NPAS3: variants seen among roughly 807,000 people sequenced by gnomAD.
The protein encoded by NPAS3 is neuronal PAS domain protein 3, also known as neuronal PAS domain-containing protein 3.
Under a neutral mutation model 73.1 loss-of-function variants are expected in NPAS3, and 14 were observed. The ratio of observed to expected loss-of-function variants is 0.19; its 90% confidence interval spans 0.13 to 0.30. NPAS3 has a LOEUF of 0.30. Ranked by LOEUF, NPAS3 falls within the 10% of genes least tolerant of loss-of-function variation. The pLI is 1.00. For synonymous variants in NPAS3, 620 were observed against 541.5 expected (o/e 1.14, Z -2.01); for missense variants, 1,096 against 1,250.0 (o/e 0.88, Z 1.86).
intron 7 of NPAS3, among the ~76,000 whole-genome samples, chr14:33,755,145 C>A (rs938568632): frequency 2.0e-5 from 3 of 152,156 alleles, no homozygotes; most frequent in Non-Finnish European, 4.4e-5. Context: ...TAGTACCTCT[C>A]CTGAAACATC....
At position 33,800,133 on chromosome 14, in the gene NPAS3, G is replaced by A. The variant is rs1363637184; in HGVS notation, c.1826G>A (p.Gly609Asp). 1.3e-6 allele frequency: 2 copies of A among 1,582,710 alleles called. No individual in the cohort carries two copies. The highest frequency in any genetic ancestry group is 1.8e-5 in the Admixed American group (1 of 54,842). Residue 609 changes from glycine to aspartate, a missense_variant, in exon 12 of 12, where the codon GGC becomes GAC. This residue lies in a region of NPAS3 where 698 missense variants were observed against 676.7 expected (regional missense o/e 1.03). Transcript: ENST00000356141. This position sits in a 1 kb window ranked among gnomAD's most constrained non-coding sequence, Gnocchi z 6.5. Reference sequence around the variant, plus strand: ...AAGAAAAGGCGGAAACGGCAAAAGGGCGGCAGCGCCAGCCGCCGGCGCCTG... The same window carrying A: ...AAGAAAAGGCGGAAACGGCAAAAGGACGGCAGCGCCAGCCGCCGGCGCCTG...
chr14:33,743,467 T>C (rs1218634481), intron 7 of NPAS3, among the ~76,000 whole-genome samples: 1 of 152,186 alleles, frequency 6.6e-6, no homozygotes, highest in Non-Finnish European at 1.5e-5. Context: ...AATATACAGA[T>C]GTGCTGTCAT....
chr14:33,265,399 T>A (rs1566738672), intron 3 of NPAS3, among the ~76,000 whole-genome samples: 2 of 152,230 alleles, frequency 1.3e-5, no homozygotes, highest in Non-Finnish European at 2.9e-5. Context: ...CTTCATCTTT[T>A]ACAATATATT....
chr14:32,959,057 A>G (rs1343918993), intron 1 of NPAS3, among the ~76,000 whole-genome samples: 2 of 152,228 alleles, frequency 1.3e-5, no homozygotes, highest in Non-Finnish European at 2.9e-5. Flanking sequence ...TAAAGCTTTA[A>G]GAAAGTTTAA....
intron 6 of NPAS3, among the ~76,000 whole-genome samples, chr14:33,695,046 C>T (rs2060337976): frequency 6.6e-6 from 1 of 152,134 alleles, no homozygotes; most frequent in Admixed American, 6.5e-5. Context: ...TCTGGCCATA[C>T]AACTAACTGA....
intron 2 of NPAS3, among the ~76,000 whole-genome samples, chr14:33,078,770 C>T (rs2041761380): frequency 6.6e-6 from 1 of 152,148 alleles, no homozygotes; most frequent in Admixed American, 6.5e-5. Context: ...TTGCTTCCTT[C>T]CTGGCAGAAT....
intron 3 of NPAS3, among the ~76,000 whole-genome samples, chr14:33,343,301 T>A (rs369766829): frequency 1.7e-4 from 26 of 152,218 alleles, no homozygotes; most frequent in African/African-American, 5.5e-4. Context: ...CTTTCTTTTT[T>A]TCTCATCGTC....
chr14:33,549,118 A>G (rs186056685), intron 4 of NPAS3, among the ~76,000 whole-genome samples: 1 of 152,358 alleles, frequency 6.6e-6, no homozygotes. Flanking sequence ...CAATTCATGT[A>G]CTAGATATAA....
intron 4 of NPAS3, among the ~76,000 whole-genome samples, chr14:33,473,968 G>A (rs1350223362): frequency 3.9e-5 from 6 of 152,158 alleles, no homozygotes; most frequent in Non-Finnish European, 7.3e-5. Flanking sequence ...ATTCTAGAAA[G>A]CAGAAACATA....
chr14:33,368,310 T>TTAA (rs2045931730), intron 4 of NPAS3, among the ~76,000 whole-genome samples: 1 of 144,880 alleles, frequency 6.9e-6, no homozygotes, highest in South Asian at 2.2e-4. Flanking sequence ...GATTCTGCGT[T>TTAA]AAAAAAAAAA....
At chr14:33,355,920 TGTC>T (rs1311118242) in intron 3 of NPAS3, among the ~76,000 whole-genome samples, 2 of 152,244 alleles carry the variant, frequency 1.3e-5, no homozygotes, top group Non-Finnish European at 2.9e-5. Context: ...CTATTATTGT[TGTC>T]GTCTGGCTCC....
chr14:33,164,925 G>A (rs1352235905), intron 2 of NPAS3, among the ~76,000 whole-genome samples: 4 of 151,388 alleles, frequency 2.6e-5, no homozygotes, highest in African/African-American at 4.9e-5. Flanking sequence ...CCTTTTCATG[G>A]TTATCCCATT....
At chr14:33,352,131 G>C (rs949128374) in intron 3 of NPAS3, among the ~76,000 whole-genome samples, 17 of 152,192 alleles carry the variant, frequency 1.1e-4, no homozygotes, top group African/African-American at 4.1e-4. Flanking sequence ...CTAATGTTTA[G>C]CAAATACCTC....
intron 4 of NPAS3, among the ~76,000 whole-genome samples, chr14:33,488,407 C>A (rs559256301): frequency 2.5e-4 from 38 of 152,160 alleles, no homozygotes; most frequent in Non-Finnish European, 2.9e-5. Flanking sequence ...TACGCAGCCC[C>A]GTGCACAGAC....
At chr14:33,458,979 C>G (rs1044455557) in intron 4 of NPAS3, among the ~76,000 whole-genome samples, 10 of 152,100 alleles carry the variant, frequency 6.6e-5, no homozygotes, top group African/African-American at 2.4e-4. Flanking sequence ...ATAGAGCAGC[C>G]CCAAAGGCTG....
At chr14:33,435,828 C>T (rs2048966027) in intron 4 of NPAS3, among the ~76,000 whole-genome samples, 1 of 152,158 alleles carries the variant, frequency 6.6e-6, no homozygotes, top group Non-Finnish European at 1.5e-5. Context: ...TTACCAGTGC[C>T]ATGATCATCT....
intron 2 of NPAS3, among the ~76,000 whole-genome samples, chr14:33,132,962 A>G (rs941457105): frequency 6.6e-6 from 1 of 152,198 alleles, no homozygotes; most frequent in Non-Finnish European, 1.5e-5. Context: ...TCCAAACTGC[A>G]CAACTAATAT....
intron 3 of NPAS3, among the ~76,000 whole-genome samples, chr14:33,356,596 T>C (rs576100559): frequency 1.3e-5 from 2 of 152,328 alleles, no homozygotes; most frequent in East Asian, 3.9e-4. Context: ...TACTTACTCA[T>C]TCACTCAGTG....
chr14:33,377,423 C>T (rs111760805), intron 4 of NPAS3, among the ~76,000 whole-genome samples: 3 of 152,322 alleles, frequency 2.0e-5, no homozygotes, highest in African/African-American at 7.2e-5. Context: ...AACCAGCCAT[C>T]GACCATTGCT....
Sources: allele counts gnomAD v4.1 joint callset (sites outside exome capture counted in the v4.1 genomes callset), GRCh38; gene constraint gnomAD v4.1.1; regional missense constraint gnomAD v4.1.1; non-coding constraint Gnocchi (gnomAD v3.1); transcripts MANE v1.5; gene names NCBI Gene and HGNC (gene_info 2026-07-23, HGNC 2026-07-21).